Variants in TNS1 observed in about 807,000 individuals in gnomAD.
TNS1 encodes tensin 1, also known as tensin-1.
Under a neutral mutation model 168.6 loss-of-function variants are expected in TNS1, and 62 were observed. The ratio of observed to expected loss-of-function variants is 0.37; its 90% confidence interval spans 0.30 to 0.45. The LOEUF is 0.45. Among genes scored for constraint, TNS1 ranks in the 20% least tolerant of loss-of-function variants. TNS1 has a pLI of 1.00. For missense variants in TNS1, 2,240 were observed against 2,339.4 expected (o/e 0.96, Z 0.88); for synonymous variants, 934 against 933.2 (o/e 1.00, Z -0.02).
At chr2:217,850,709 G>T (rs375715837) in intron 18 of TNS1, 1 of 640,004 alleles carries the variant, frequency 1.6e-6, no homozygotes. Flanking sequence ...ACCAGCTCCA[G>T]CCAGACACCA....
At position 218,033,121 on chromosome 2, in the gene TNS1, C is replaced by T. The variant is rs1958912241; in HGVS notation, c.156+699G>A. 1.3e-5 allele frequency among the ~76,000 whole-genome samples: 2 copies of T among 152,144 alleles called. No individual in the cohort carries two copies. On this transcript the variant is annotated intron_variant, in intron 1 of 1. Transcript: ENST00000649572. The surrounding 1 kb of genome is among the most constrained non-coding windows in gnomAD (Gnocchi z 4.3). ...AAAGAAGACCCACCAACAGCGAGTC[C>T]TGAGGTCACAGGGACCTAGAGAGGA...
At chr2:217,911,424 G>A (rs62182177) in intron 4 of TNS1, among the ~76,000 whole-genome samples, 3 of 152,214 alleles carry the variant, frequency 2.0e-5, no homozygotes, top group Admixed American at 6.5e-5. Flanking sequence ...GAGGTCCTGC[G>A]AGTGCACTTG....
chr2:217,844,257 C>T (rs1336038815), intron 19 of TNS1, among the ~76,000 whole-genome samples: 3 of 152,072 alleles, frequency 2.0e-5, no homozygotes, highest in Non-Finnish European at 4.4e-5. Context: ...CTAATAAGCT[C>T]CTATCATCTC....
In TNS1 at chr2:217,804,255, T is replaced by TG; in HGVS notation, c.*203_*204insC. On this transcript the variant is annotated 3_prime_UTR_variant, in exon 33 of 33. Coordinates refer to ENST00000682258, the MANE Select transcript of TNS1 (RefSeq NM_001387777.1). ...GGAATCCAAGTTCTTCTCCTCCATC[T>TG]TTCTCTCTCTCTCTCTCTCTCTCTC... is the stretch of plus-strand genomic sequence containing the variant. 1.9e-5 allele frequency: 12 copies of TG among 621,230 alleles called. No homozygotes were observed. The highest frequency in any genetic ancestry group is 4.1e-4 in the Middle Eastern group (1 of 2,424). 38.5% of individuals were successfully genotyped at this position (621,230 alleles called of 1,614,324 possible). A position where few individuals can be genotyped will look rare whatever the true frequency, so the allele number is the denominator to read the frequency against.
At position 218,009,382 on chromosome 2, in the gene TNS1, C is replaced by A. The variant is rs150293581; in HGVS notation, c.96+718G>T. On this transcript the variant is annotated intron_variant, in intron 1 of 32. Transcript: ENST00000646520. ...ACCCTCACGTCTATACTCCCCCCAC[C>A]CACACACATACACACGTTACACACA... Among the ~76,000 whole-genome samples, 298 of 152,156 alleles carry A rather than the reference C, an allele frequency of 2.0e-3. 2 individuals carry two copies. The highest frequency in any genetic ancestry group is 2.4e-3 in the Non-Finnish European group (160 of 67,974).
intron 3 of TNS1, among the ~76,000 whole-genome samples, chr2:217,963,130 G>T (rs1443653866): frequency 6.6e-6 from 1 of 152,208 alleles, no homozygotes. Flanking sequence ...TCAGAGGATA[G>T]TTCAAGAATT....
chr2:217,909,007 C>T (rs982662989), intron 4 of TNS1, among the ~76,000 whole-genome samples: 1 of 152,060 alleles, frequency 6.6e-6, no homozygotes, highest in Non-Finnish European at 1.5e-5. Context: ...AGTCAGAGCT[C>T]GTGGAGCTGC....
chr2:218,014,825 A>G (rs1482919855), upstream of TNS1, among the ~76,000 whole-genome samples: 2 of 151,182 alleles, frequency 1.3e-5, no homozygotes, highest in African/African-American at 4.9e-5. Context: ...GCCCATAATC[A>G]TGAGTTATTC....
intron 19 of TNS1, among the ~76,000 whole-genome samples, chr2:217,838,559 C>T (rs1024772894): frequency 1.3e-5 from 2 of 152,240 alleles, no homozygotes; most frequent in African/African-American, 2.4e-5. Flanking sequence ...CCTCCCTCTG[C>T]GGAAGGGTAA....
chr2:217,921,088 C>T (rs370653276), intron 3 of TNS1, among the ~76,000 whole-genome samples: 2 of 152,128 alleles, frequency 1.3e-5, no homozygotes, highest in South Asian at 2.1e-4. Context: ...CCTGAGATAA[C>T]ATTCCCCTGG....
chr2:218,005,045 C>G (rs1559410399), upstream of TNS1, among the ~76,000 whole-genome samples: 2 of 152,216 alleles, frequency 1.3e-5, no homozygotes, highest in Non-Finnish European at 2.9e-5. Flanking sequence ...CCCTCCTCAG[C>G]CACTATCACC....
chr2:217,910,386 C>T (rs1048470728), intron 4 of TNS1, among the ~76,000 whole-genome samples: 1 of 152,144 alleles, frequency 6.6e-6, no homozygotes, highest in African/African-American at 2.4e-5. Flanking sequence ...TTTGCAAACA[C>T]AGCCAGCATG....
At chr2:217,815,147 C>G in intron 24 of TNS1, 149 bp from the exon 25 acceptor site, 1 of 659,034 alleles carries the variant, frequency 1.5e-6, no homozygotes, top group East Asian at 2.7e-5. Flanking sequence ...TGAGGTCACA[C>G]AGGATTAGGG....
upstream of TNS1, among the ~76,000 whole-genome samples, chr2:218,015,297 G>A (rs562583087): frequency 4.6e-4 from 70 of 152,200 alleles, no homozygotes; most frequent in African/African-American, 1.5e-3. Context: ...CCTGAGTCAC[G>A]GCTTTTCCAT....
intron 32 of TNS1, 67 bp downstream of exon 32, chr2:217,808,008 C>T: frequency 1.3e-6 from 2 of 1,581,752 alleles, no homozygotes; most frequent in African/African-American, 2.7e-5. Flanking sequence ...CTAAATGTGC[C>T]CCGTGCTTCC....
At chr2:217,914,459 A>G (rs986245071) in intron 4 of TNS1, among the ~76,000 whole-genome samples, 1 of 152,156 alleles carries the variant, frequency 6.6e-6, no homozygotes, top group Non-Finnish European at 1.5e-5. Context: ...TTCCATCAGC[A>G]TGGTGCCTTA....
chr2:217,889,305 G>C, intron 12 of TNS1, among the ~76,000 whole-genome samples: 1 of 152,216 alleles, frequency 6.6e-6, no homozygotes, highest in African/African-American at 2.4e-5. Context: ...GGCGGGAATA[G>C]CCCCCAGCTG....
intron 19 of TNS1, among the ~76,000 whole-genome samples, chr2:217,843,400 ATTCTCATGACTCTTATAT>A (rs1304674357): frequency 2.6e-5 from 4 of 151,350 alleles, no homozygotes; most frequent in African/African-American, 9.7e-5. Flanking sequence ...ACATACAAAC[ATTCTCATGACTCTTATAT>A]TTACAAAAAA....
chr2:217,913,004 C>A (rs1351885273), intron 4 of TNS1, among the ~76,000 whole-genome samples: 1 of 152,198 alleles, frequency 6.6e-6, no homozygotes, highest in Non-Finnish European at 1.5e-5. Context: ...CAGATCTGCG[C>A]CTCCGAGTCT....
Sources: allele counts gnomAD v4.1 joint callset (sites outside exome capture counted in the v4.1 genomes callset), GRCh38; gene constraint gnomAD v4.1.1; non-coding constraint Gnocchi (gnomAD v3.1); transcripts MANE v1.5; gene names NCBI Gene and HGNC (gene_info 2026-07-23, HGNC 2026-07-21).